The following SV2C variants were observed in gnomAD, a reference collection of about 807,000 sequenced individuals.
The protein encoded by SV2C is solute carrier family 22 member B3.
Under a neutral mutation model 79.7 loss-of-function variants are expected in SV2C, and 49 were observed. That is an observed-to-expected ratio of 0.61 (90% confidence interval 0.49 to 0.78). The LOEUF (loss-of-function observed/expected upper bound fraction) is 0.78, where lower values mean the gene tolerates loss of function less well. Ranked by LOEUF, SV2C falls within the 30% of genes least tolerant of loss-of-function variation. SV2C has a pLI of 0.00. For synonymous variants in SV2C, 334 were observed against 333.2 expected (o/e 1.00, Z -0.03); for missense variants, 833 against 912.9 (o/e 0.91, Z 1.13).
the SV2C span, among the ~76,000 whole-genome samples, chr5:75,982,613 G>A: frequency 6.6e-6 from 1 of 152,134 alleles, no homozygotes; most frequent in Non-Finnish European, 1.5e-5. Context: ...CCATTACTGG[G>A]TATATACCCA....
chr5:76,044,138 C>A, the SV2C span, among the ~76,000 whole-genome samples: 1 of 152,210 alleles, frequency 6.6e-6, no homozygotes, highest in Non-Finnish European at 1.5e-5. Flanking sequence ...TCAGCTCCCA[C>A]TTACAAGTGA....
At position 76,326,411 on chromosome 5, in the gene SV2C, C is replaced by A. The variant is rs1334177611; in HGVS notation, c.*864C>A. 2 of 152,196 alleles carry A rather than the reference C, an allele frequency of 1.3e-5. No homozygotes were observed. Among genetic ancestry groups the A allele is most frequent in the African/African-American group, 4.8e-5 (2 of 41,456 alleles). 9.4% of individuals were successfully genotyped at this position (152,196 alleles called of 1,614,324 possible). ...AAAGCTGCTTCTTAAAAACTGTCTG[C>A]CTACCTGATTCTGCCACTTACCCAC... On this transcript the variant is annotated 3_prime_UTR_variant, in exon 13 of 13. Coordinates refer to ENST00000502798, the MANE Select transcript of SV2C (RefSeq NM_014979.4).
chr5:76,127,113 T>C (rs901766822), intron 1 of SV2C, among the ~76,000 whole-genome samples: 3 of 152,170 alleles, frequency 2.0e-5, no homozygotes, highest in African/African-American at 4.8e-5. Flanking sequence ...TTCTAGAACA[T>C]TTGGGGGAGG....
chr5:75,985,979 G>A, the SV2C span, among the ~76,000 whole-genome samples: 1 of 151,366 alleles, frequency 6.6e-6, no homozygotes, highest in East Asian at 2.0e-4. Context: ...GGATAATCAC[G>A]TGTTTGTATC....
intron 2 of SV2C, among the ~76,000 whole-genome samples, chr5:76,138,788 G>A (rs1025379031): frequency 1.4e-4 from 21 of 152,162 alleles, no homozygotes; most frequent in Non-Finnish European, 2.2e-4. Context: ...AACACTTTGA[G>A]AACTAACTCA....
Position 76,330,584 on chromosome 5 carries a change from A to AT in SV2C, c.*5042dup, listed in dbSNP as rs1749150239. ...CCCCCCCCCATAAATACAAAGTGTT[A>AT]TTTTTCCACATTTAAAACAAATAAT... On this transcript the variant is annotated 3_prime_UTR_variant, in exon 13 of 13. Coordinates refer to ENST00000502798, the MANE Select transcript of SV2C (RefSeq NM_014979.4). 7.3e-6 allele frequency: 1 copy of AT among 137,498 alleles called. No homozygotes were observed. Among genetic ancestry groups the AT allele is most frequent in the Non-Finnish European group, 1.5e-5 (1 of 65,228 alleles). The allele number at this position is 137,498 out of a possible 1,614,324, so 8.5% of individuals were successfully genotyped here.
At chr5:76,113,270 A>G (rs1300063350) in intron 1 of SV2C, among the ~76,000 whole-genome samples, 2 of 152,214 alleles carry the variant, frequency 1.3e-5, no homozygotes, top group East Asian at 3.8e-4. Context: ...TTATCACATC[A>G]TAATATAATT....
At chr5:75,870,322 A>T in the SV2C span, among the ~76,000 whole-genome samples, 1 of 152,030 alleles carries the variant, frequency 6.6e-6, no homozygotes, top group Non-Finnish European at 1.5e-5. Flanking sequence ...TGAAATAATT[A>T]AAAAGAATCA....
chr5:76,349,397 A>G (rs967407026), intron 12 of SV2C, among the ~76,000 whole-genome samples: 22 of 152,004 alleles, frequency 1.4e-4, no homozygotes, highest in Admixed American at 1.2e-3. Flanking sequence ...CCTGTAACCC[A>G]GCTACTCAGG....
chr5:75,953,929 A>G, the SV2C span, among the ~76,000 whole-genome samples: 92 of 152,056 alleles, frequency 6.1e-4, no homozygotes, highest in African/African-American at 2.0e-3. Flanking sequence ...TTGCTTTTGA[A>G]TCTTTATTCT....
exon 13 of SV2C, chr5:76,353,766 A>C (rs1330566933): frequency 1.3e-5 from 2 of 152,098 alleles, no homozygotes; most frequent in African/African-American, 4.8e-5. Flanking sequence ...ACTCAGGTAA[A>C]ATCTTAACCA....
the SV2C span, among the ~76,000 whole-genome samples, chr5:75,909,231 G>A: frequency 1.3e-5 from 2 of 152,222 alleles, no homozygotes; most frequent in Non-Finnish European, 2.9e-5. Flanking sequence ...GAAAACACCT[G>A]TGCATGTGTG....
chr5:76,024,788 T>A, the SV2C span, among the ~76,000 whole-genome samples: 1 of 152,220 alleles, frequency 6.6e-6, no homozygotes, highest in East Asian at 1.9e-4. Flanking sequence ...TGAGAAAAGT[T>A]GACCCTCCCT....
the SV2C span, among the ~76,000 whole-genome samples, chr5:75,856,509 A>C: frequency 6.6e-6 from 1 of 152,144 alleles, no homozygotes; most frequent in Non-Finnish European, 1.5e-5. Flanking sequence ...ATAACATCTC[A>C]TTGTAGTTTT....
chr5:76,240,025 CCTTT>C (rs1745733635), intron 4 of SV2C, among the ~76,000 whole-genome samples: 1 of 152,210 alleles, frequency 6.6e-6, no homozygotes, highest in Non-Finnish European at 1.5e-5. Flanking sequence ...TGTTCCTTTT[CCTTT>C]CTTATGCTTT....
At chr5:76,149,523 T>C (rs1008764964) in intron 2 of SV2C, among the ~76,000 whole-genome samples, 1 of 152,172 alleles carries the variant, frequency 6.6e-6, no homozygotes, top group African/African-American at 2.4e-5. Flanking sequence ...CCCCCAGCAG[T>C]TGTGATAATG....
At chr5:75,848,023 C>A in the SV2C span, among the ~76,000 whole-genome samples, 18 of 152,200 alleles carry the variant, frequency 1.2e-4, no homozygotes, top group African/African-American at 4.3e-4. Flanking sequence ...AGAGACAACA[C>A]CCTCTCCTCA....
chr5:76,312,949 T>C (rs1385252078), intron 12 of SV2C, among the ~76,000 whole-genome samples: 1 of 152,222 alleles, frequency 6.6e-6, no homozygotes, highest in Non-Finnish European at 1.5e-5. Context: ...CTTAGGACTG[T>C]CCTTGTTTTG....
At position 76,295,862 on chromosome 5, in the gene SV2C, G is replaced by A; in HGVS notation, c.1422G>A (p.Glu474=). 1.2e-6 allele frequency: 2 copies of A among 1,613,484 alleles called. No homozygotes were observed. The highest frequency in any genetic ancestry group is 1.7e-6 in the Non-Finnish European group (2 of 1,179,698). Residue 474 remains glutamate, a synonymous_variant, in exon 9 of 13, where the codon GAG becomes GAA. Coordinates refer to ENST00000502798, the MANE Select transcript of SV2C (RefSeq NM_014979.4). The part of the protein sequence containing the change: ...DEYALLTRNV[E]RDKYANFTIN... ...ATGCATTGCTAACCAGAAATGTGGA[G>A]AGAGATAAATATGCAAATTTCACTA...
Sources: gnomAD v4.1 joint callset for allele counts (sites outside exome capture counted in the v4.1 genomes callset) on GRCh38, gnomAD v4.1.1 for gene constraint, MANE v1.5 for transcripts, NCBI Gene and HGNC (gene_info 2026-07-23, HGNC 2026-07-21) for gene names.